Variants in PDE4B observed in about 807,000 individuals in gnomAD.
PDE4B encodes phosphodiesterase 4B, also known as 3',5'-cyclic-AMP phosphodiesterase 4B.
PDE4B carries 20 observed loss-of-function variants against 82.2 expected under a neutral mutation model. The observed-to-expected ratio is 0.24, with a 90% CI of 0.17 to 0.35. The LOEUF (loss-of-function observed/expected upper bound fraction) is 0.35, where lower values mean the gene tolerates loss of function less well. PDE4B is among the 10% of genes least tolerant of loss of function. PDE4B has a pLI of 1.00. For missense variants in PDE4B, 655 were observed against 907.2 expected, an observed-to-expected ratio of 0.72 and a Z score of 3.57; for synonymous variants, 320 against 318.9, an observed-to-expected ratio of 1.00 and a Z score of -0.04.
In PDE4B at chr1:66,139,732, C is replaced by A. The variant is rs538078791; in HGVS notation, c.282-107728C>A. Among the ~76,000 whole-genome samples the A allele has an allele frequency of 4.0e-3, 478 of 118,820 alleles. 3 individuals are homozygous for A. The highest frequency in any genetic ancestry group is 0.016 in the African/African-American group (457 of 29,096). 78.0% of individuals were successfully genotyped at this position (118,820 alleles called of 152,430 possible). A position where few individuals can be genotyped will look rare whatever the true frequency, so the allele number is the denominator to read the frequency against. The stretch of plus-strand genomic sequence containing the variant: ...GCCACTTAAATAATTCCCCCTCCCC[C>A]CTCAAAAAAAAAAAAAAAAACAAAA... On this transcript the variant is annotated intron_variant, in intron 3 of 16. Transcript: ENST00000341517.
chr1:65,933,214 G>C (rs1476007041), intron 3 of PDE4B, among the ~76,000 whole-genome samples: 1 of 152,108 alleles, frequency 6.6e-6, no homozygotes, highest in African/African-American at 2.4e-5. Context: ...ACAGAAAAGT[G>C]ATTTGTCATG....
chr1:65,830,773 A>G (rs2101291583), intron 1 of PDE4B, among the ~76,000 whole-genome samples: 1 of 152,270 alleles, frequency 6.6e-6, no homozygotes, highest in Non-Finnish European at 1.5e-5. Context: ...ACACTAGTGG[A>G]CATACTAGTG....
chr1:66,020,341 C>G (rs1428997929), intron 3 of PDE4B, among the ~76,000 whole-genome samples: 1 of 151,926 alleles, frequency 6.6e-6, no homozygotes, highest in Non-Finnish European at 1.5e-5. Flanking sequence ...ATACTTTAAG[C>G]TCTACGGTAC....
intron 3 of PDE4B, among the ~76,000 whole-genome samples, chr1:66,128,688 G>A (rs908763777): frequency 1.8e-4 from 28 of 152,242 alleles, no homozygotes; most frequent in African/African-American, 6.7e-4. Flanking sequence ...AGACATACCC[G>A]AGACTGGGTA....
chr1:66,018,196 T>C (rs948061659), intron 3 of PDE4B, among the ~76,000 whole-genome samples: 13 of 152,144 alleles, frequency 8.5e-5, no homozygotes, highest in Middle Eastern at 3.4e-3. Flanking sequence ...TGCGGGCGGA[T>C]CACGAGGTCA....
intron 3 of PDE4B, among the ~76,000 whole-genome samples, chr1:65,974,058 C>T (rs1337817253): frequency 2.0e-5 from 3 of 152,152 alleles, no homozygotes; most frequent in African/African-American, 7.2e-5. Flanking sequence ...GGTGGTCTGC[C>T]TGCCTCAGCC....
At chr1:66,337,733 A>G (rs2101937711) in intron 8 of PDE4B, among the ~76,000 whole-genome samples, 1 of 152,344 alleles carries the variant, frequency 6.6e-6, no homozygotes, top group South Asian at 2.1e-4. Context: ...GGCCCCACAC[A>G]TGTTAGAGGT....
At chr1:66,164,535 C>CAAAAA (rs10718019) in intron 3 of PDE4B, among the ~76,000 whole-genome samples, 23 of 48,560 alleles carry the variant, frequency 4.7e-4, no homozygotes, top group African/African-American at 7.2e-4. Flanking sequence ...GACTCCGTCT[C>CAAAAA]AAAAAAAAAA....
intron 3 of PDE4B, among the ~76,000 whole-genome samples, chr1:65,996,491 GA>G (rs923031384): frequency 2.6e-5 from 4 of 151,606 alleles, no homozygotes; most frequent in Non-Finnish European, 1.5e-5. Flanking sequence ...AGCAAGAAGA[GA>G]AAAAAAATCT....
At chr1:66,152,624 ATATG>A (rs1449622380) in intron 3 of PDE4B, 3 of 74,412 alleles carry the variant, frequency 4.0e-5, no homozygotes, top group Non-Finnish European at 7.4e-5. Context: ...ATATATTTAT[ATATG>A]TGTATACACA....
intron 3 of PDE4B, among the ~76,000 whole-genome samples, chr1:65,958,503 C>G (rs542948684): frequency 6.6e-6 from 1 of 151,766 alleles, no homozygotes; most frequent in East Asian, 1.9e-4. Flanking sequence ...AAGATTGTGC[C>G]CTCTTTTTAT....
At chr1:66,289,828 A>T (rs1038733884) in intron 7 of PDE4B, among the ~76,000 whole-genome samples, 2 of 152,112 alleles carry the variant, frequency 1.3e-5, no homozygotes, top group Non-Finnish European at 2.9e-5. Flanking sequence ...TGCTTGCCTA[A>T]TCAAGAATGG....
chr1:66,139,185 T>C (rs948467329), intron 3 of PDE4B, among the ~76,000 whole-genome samples: 3 of 152,242 alleles, frequency 2.0e-5, no homozygotes, highest in Admixed American at 6.5e-5. Flanking sequence ...GTTCAACTGC[T>C]TGAAATCTCC....
At chr1:65,848,834 G>T (rs1019664534) in intron 1 of PDE4B, among the ~76,000 whole-genome samples, 1 of 152,076 alleles carries the variant, frequency 6.6e-6, no homozygotes, top group South Asian at 2.1e-4. Context: ...TATGAATAAA[G>T]CTACTCTCAA....
chr1:66,157,425 C>A (rs935056131), intron 3 of PDE4B, among the ~76,000 whole-genome samples: 4 of 152,102 alleles, frequency 2.6e-5, no homozygotes, highest in African/African-American at 9.7e-5. Flanking sequence ...TGATGAAAAC[C>A]CAGTTTTTTC....
chr1:66,326,660 A>G (rs1190620574), intron 7 of PDE4B, among the ~76,000 whole-genome samples: 3 of 152,218 alleles, frequency 2.0e-5, no homozygotes, highest in Admixed American at 6.5e-5. Context: ...GGTTATGTAC[A>G]GCTCTTTTCT....
At chr1:66,072,522 GTGGCCCTCCAGA>G (rs1228635035) in intron 3 of PDE4B, among the ~76,000 whole-genome samples, 3 of 152,100 alleles carry the variant, frequency 2.0e-5, no homozygotes, top group African/African-American at 4.8e-5. Flanking sequence ...AAGCAGCTAG[GTGGCCCTCCAGA>G]CTACTAACAA....
rs141756326 is a variant in PDE4B, at chr1:66,307,139, G to A, written c.635-25369G>A. 5.2e-3 allele frequency among the ~76,000 whole-genome samples: 792 copies of A among 152,206 alleles called. 4 individuals are homozygous for A. The highest frequency in any genetic ancestry group is 0.018 in the African/African-American group (748 of 41,548). ...AGAGAGAGACAGAGACAGAGACAGTGCAGAGTGAGGAGCTGGTGCAGAAGT... is the reference window on the plus strand; with the variant it reads ...AGAGAGAGACAGAGACAGAGACAGTACAGAGTGAGGAGCTGGTGCAGAAGT... On this transcript the variant is annotated intron_variant, in intron 7 of 16. Coordinates refer to ENST00000341517, the MANE Select transcript of PDE4B (RefSeq NM_002600.4).
chr1:65,856,334 GC>G lies in PDE4B; in HGVS notation c.-70-56907del, dbSNP rs1646392374. Among the ~76,000 whole-genome samples the G allele has an allele frequency of 2.6e-5, 4 of 151,924 alleles. No individual in the cohort carries two copies. In the South Asian group the frequency reaches 8.3e-4, roughly 32 times the overall value. On this transcript the variant is annotated intron_variant, in intron 1 of 16. Coordinates refer to ENST00000341517, the MANE Select transcript of PDE4B (RefSeq NM_002600.4). ...TTTGTCCTAATGCTCTTCCTCTCTTGCCCCACCCCCACAACAGGCCCTGGTG... is the reference window on the plus strand; with the variant it reads ...TTTGTCCTAATGCTCTTCCTCTCTTGCCCACCCCCACAACAGGCCCTGGTG...
Sources: gnomAD v4.1 joint callset for allele counts (sites outside exome capture counted in the v4.1 genomes callset) on GRCh38, gnomAD v4.1.1 for gene constraint, MANE v1.5 for transcripts, NCBI Gene and HGNC (gene_info 2026-07-23, HGNC 2026-07-21) for gene names.